FOCAD: variants seen among roughly 807,000 people sequenced by gnomAD.
FOCAD encodes focadhesin.
FOCAD carries 198 observed loss-of-function variants against 225.6 expected under a neutral mutation model. The observed-to-expected ratio is 0.88, with a 90% CI of 0.78 to 0.99. The LOEUF is 0.99. Ranked by LOEUF, FOCAD falls within the 50% of genes least tolerant of loss-of-function variation. The pLI is 0.00. For missense variants in FOCAD, 2,713 were observed against 2,123.6 expected, an observed-to-expected ratio of 1.28 and a Z score of -5.46; for synonymous variants, 897 against 755.0, an observed-to-expected ratio of 1.19 and a Z score of -3.08.
At chr9:20,871,722 C>T (rs1587462786) in intron 18 of FOCAD, among the ~76,000 whole-genome samples, 1 of 122,458 alleles carries the variant, frequency 8.2e-6, no homozygotes, top group Admixed American at 1.0e-4. Flanking sequence ...AACACGTGGA[C>T]ACAGGAAGGA....
chr9:20,872,721 T>G (rs922876628), intron 18 of FOCAD: 2 of 152,106 alleles, frequency 1.3e-5, no homozygotes, highest in Non-Finnish European at 2.9e-5. Context: ...TTTTAGTATA[T>G]TGAAACAATT....
intron 28 of FOCAD, among the ~76,000 whole-genome samples, chr9:20,935,687 C>T (rs1835882087): frequency 1.3e-5 from 2 of 152,208 alleles, no homozygotes; most frequent in African/African-American, 2.4e-5. Flanking sequence ...GCGTGAGCCA[C>T]CCTGCCCAGC....
chr9:20,755,473 G>T (rs182536697), intron 5 of FOCAD, among the ~76,000 whole-genome samples: 1 of 152,116 alleles, frequency 6.6e-6, no homozygotes, highest in Non-Finnish European at 1.5e-5. Flanking sequence ...TATTTCTGTT[G>T]ACCTGATTCA....
At position 20,778,682 on chromosome 9, in the gene FOCAD, A is replaced by G; in HGVS notation, c.908A>G (p.Asp303Gly). 6.3e-7 allele frequency: 1 copy of G among 1,599,774 alleles called. No homozygotes were observed. Among genetic ancestry groups the G allele is most frequent in the South Asian group, 1.1e-5 (1 of 90,356 alleles). ...CTTTTTCCCCCTCTATTCTTTTAGG[A>G]TTTTCCTGTTGAACTGGTCATAATT... is the stretch of plus-strand genomic sequence containing the variant. ...LEHSVELLKEDFPVELVIIGI... is the reference protein window; with the variant it reads ...LEHSVELLKEGFPVELVIIGI... The change falls in exon 9 of 44, where the codon GAT becomes GGT. Residue 303 changes from aspartate (D) to glycine (G), a missense_variant and splice_region_variant. Transcript: ENST00000338382.
intron 15 of FOCAD, among the ~76,000 whole-genome samples, chr9:20,849,714 A>C (rs1177166340): frequency 2.6e-5 from 4 of 151,944 alleles, no homozygotes; most frequent in Non-Finnish European, 4.4e-5. Flanking sequence ...CAGCCATGTT[A>C]GTTTTAGTAA....
intron 15 of FOCAD, among the ~76,000 whole-genome samples, chr9:20,835,657 G>C (rs370118023): frequency 6.6e-6 from 1 of 152,016 alleles, no homozygotes; most frequent in Non-Finnish European, 1.5e-5. Flanking sequence ...AGGATGTGCC[G>C]AAATTAAAAT....
chr9:20,661,595 A>T (rs574964131), intron 2 of FOCAD, among the ~76,000 whole-genome samples: 1 of 152,264 alleles, frequency 6.6e-6, no homozygotes, highest in South Asian at 2.1e-4. Context: ...TCTTTTTCTC[A>T]CTATCTCTCT....
At position 20,862,701 on chromosome 9, in the gene FOCAD, A is replaced by G. The variant is rs1828884418; in HGVS notation, c.2044A>G (p.Thr682Ala). The G allele has an allele frequency of 3.7e-6, 6 of 1,612,300 alleles. No homozygotes were observed. Among genetic ancestry groups the G allele is most frequent in the Non-Finnish European group, 5.1e-6 (6 of 1,179,162 alleles). ...SLVPSLTVNT[T>A]EYENFKVQVL... Reference sequence around the variant, plus strand: ...AGTTCCTTCCTTAACGGTCAATACAACTGAATATGAGGTATGCATTTGGAG... The same window carrying G: ...AGTTCCTTCCTTAACGGTCAATACAGCTGAATATGAGGTATGCATTTGGAG... The change falls in exon 16 of 44, where the codon ACT becomes GCT. Residue 682 changes from threonine to alanine, a missense_variant. Physicochemically the swap from Thr to Ala is moderately conservative, Grantham distance 58. Transcript: ENST00000338382.
chr9:20,752,770 A>G (rs1458090124), intron 5 of FOCAD, among the ~76,000 whole-genome samples: 2 of 152,278 alleles, frequency 1.3e-5, no homozygotes, highest in African/African-American at 4.8e-5. Context: ...TTTTCACGAT[A>G]TTGATTCTTC....
chr9:20,954,336 C>T (rs1173278668), intron 35 of FOCAD, among the ~76,000 whole-genome samples: 1 of 152,010 alleles, frequency 6.6e-6, no homozygotes, highest in Non-Finnish European at 1.5e-5. Context: ...TTTTCATGGC[C>T]AAACTAGTGC....
intron 35 of FOCAD, among the ~76,000 whole-genome samples, chr9:20,975,294 A>G (rs1293818718): frequency 2.6e-5 from 4 of 152,104 alleles, no homozygotes; most frequent in East Asian, 1.9e-4. Flanking sequence ...CTGTTTTTCA[A>G]TTTCTAATTA....
In FOCAD at chr9:20,929,572, C is replaced by CT. The variant is rs1319432592; in HGVS notation, c.3294dup (p.Arg1099SerfsTer4). The CT allele has an allele frequency of 6.2e-7, 1 of 1,613,822 alleles. No homozygotes were observed. On this transcript the variant is annotated frameshift_variant, in exon 27 of 44. Transcript: ENST00000338382. LOFTEE classifies it high-confidence loss of function. ...GGCCTTGCTTTAGGGATGTTTCTCTCTCGCTTGTGTGAAGAGAAACTCAGG... is the reference window on the plus strand; with the variant it reads ...GGCCTTGCTTTAGGGATGTTTCTCTCTTCGCTTGTGTGAAGAGAAACTCAGG...
intron 1 of FOCAD, among the ~76,000 whole-genome samples, chr9:20,696,972 G>A (rs1413432501): frequency 6.6e-6 from 1 of 152,160 alleles, no homozygotes; most frequent in Admixed American, 6.5e-5. Context: ...ACCATGTGAT[G>A]ATGTGGCACA....
At chr9:20,851,786 G>C (rs1028262257) in intron 15 of FOCAD, among the ~76,000 whole-genome samples, 4 of 151,800 alleles carry the variant, frequency 2.6e-5, no homozygotes, top group African/African-American at 9.7e-5. Flanking sequence ...TAATCACATA[G>C]TCTAGTTCAG....
intron 28 of FOCAD, among the ~76,000 whole-genome samples, chr9:20,934,613 A>G (rs909537259): frequency 2.0e-5 from 3 of 151,640 alleles, no homozygotes; most frequent in Admixed American, 6.6e-5. Flanking sequence ...CTAGTTTTAT[A>G]CCAGTACCAT....
upstream of FOCAD, among the ~76,000 whole-genome samples, chr9:20,680,120 T>C (rs139781757): frequency 3.1e-4 from 47 of 152,350 alleles, no homozygotes; most frequent in African/African-American, 1.1e-3. Flanking sequence ...ATTCTTTGCT[T>C]TCAGCTCAGA....
At chr9:20,889,848 T>C (rs1477955654) in intron 21 of FOCAD, among the ~76,000 whole-genome samples, 2 of 152,210 alleles carry the variant, frequency 1.3e-5, no homozygotes, top group Non-Finnish European at 1.5e-5. Flanking sequence ...ATCTTGGTAA[T>C]AGAGTATCTA....
At chr9:20,871,647 A>C (rs962669326) in intron 18 of FOCAD, among the ~76,000 whole-genome samples, 1 of 150,598 alleles carries the variant, frequency 6.6e-6, no homozygotes, top group African/African-American at 2.4e-5. Flanking sequence ...TATGGAAATA[A>C]AAAATTTAAA....
At chr9:20,803,712 C>G (rs771733041) in intron 11 of FOCAD, among the ~76,000 whole-genome samples, 10 of 152,094 alleles carry the variant, frequency 6.6e-5, no homozygotes, top group African/African-American at 1.9e-4. Context: ...CTAAAGAGAA[C>G]TTAATCTTGC....
Sources: gnomAD v4.1 joint callset for allele counts (sites outside exome capture counted in the v4.1 genomes callset) on GRCh38, gnomAD v4.1.1 for gene constraint, MANE v1.5 for transcripts, NCBI Gene and HGNC (gene_info 2026-07-23, HGNC 2026-07-21) for gene names.